CYP19A1: variants seen among roughly 807,000 people sequenced by gnomAD.
The protein encoded by CYP19A1 is cytochrome P450 family 19 subfamily A member 1.
In CYP19A1, 32 loss-of-function variants were observed where a neutral mutation model predicts 44.4. That is an observed-to-expected ratio of 0.72 (90% confidence interval 0.54 to 0.97). CYP19A1 has a LOEUF of 0.97. Ranked by LOEUF, CYP19A1 falls within the 50% of genes least tolerant of loss-of-function variation. CYP19A1 has a pLI of 0.00. For missense variants in CYP19A1, 598 were observed against 637.8 expected (o/e 0.94, Z 0.67); for synonymous variants, 212 against 215.6 (o/e 0.98, Z 0.14).
chr15:51,285,362 GCAAT>G (rs2035661451), intron 1 of CYP19A1, among the ~76,000 whole-genome samples: 1 of 152,212 alleles, frequency 6.6e-6, no homozygotes, highest in African/African-American at 2.4e-5. Context: ...TCACCAACTG[GCAAT>G]CAAAGGCTGC....
chr15:51,282,996 G>A (rs1165344085), intron 1 of CYP19A1, among the ~76,000 whole-genome samples: 2 of 152,186 alleles, frequency 1.3e-5, no homozygotes, highest in Admixed American at 6.5e-5. Flanking sequence ...CTATGGAGTT[G>A]GATGAATGGG....
chr15:51,285,917 C>G (rs981835287), intron 1 of CYP19A1, among the ~76,000 whole-genome samples: 15 of 152,164 alleles, frequency 9.9e-5, no homozygotes, highest in African/African-American at 3.6e-4. Flanking sequence ...GATCTGATCA[C>G]CCCAACATTC....
chr15:51,260,210 T>C (rs1048637324), intron 1 of CYP19A1, among the ~76,000 whole-genome samples: 1 of 152,244 alleles, frequency 6.6e-6, no homozygotes, highest in Non-Finnish European at 1.5e-5. Context: ...GATTCAGATG[T>C]ATTTTGAGTG....
chr15:51,249,032 C>T (rs966279884), intron 1 of CYP19A1, among the ~76,000 whole-genome samples: 1 of 151,930 alleles, frequency 6.6e-6, no homozygotes, highest in African/African-American at 2.4e-5. Flanking sequence ...CTCCGCCTCC[C>T]AGGTTCAAAC....
At chr15:51,240,281 G>A (rs553975179) in intron 2 of CYP19A1, among the ~76,000 whole-genome samples, 32 of 152,106 alleles carry the variant, frequency 2.1e-4, no homozygotes, top group African/African-American at 6.8e-4. Context: ...CAGTAAATAC[G>A]GCTAGAAGAA....
rs1331621054 is a variant in CYP19A1 at position 51,208,145 on chromosome 15, G to T, written c.*2663C>A. The T allele has an allele frequency of 6.6e-6, 1 of 152,160 alleles. No homozygotes were observed. The highest frequency in any genetic ancestry group is 1.5e-5 in the Non-Finnish European group (1 of 68,028). 9.4% of individuals were successfully genotyped at this position (152,160 alleles called of 1,614,324 possible). ...GCCCAGCTGATATAGATTGAAAAGG[G>T]TCCCTCTATCCTTCAGTGGGCCAAT... On this transcript the variant is annotated 3_prime_UTR_variant, in exon 10 of 10. Transcript: ENST00000396402.
chr15:51,333,322 C>T (rs962725835), intron 1 of CYP19A1, among the ~76,000 whole-genome samples: 4 of 152,034 alleles, frequency 2.6e-5, no homozygotes, highest in Non-Finnish European at 4.4e-5. Flanking sequence ...GGCGGGGAGA[C>T]TCTCATTTTC....
chr15:51,291,169 T>C (rs2035836442), intron 1 of CYP19A1, among the ~76,000 whole-genome samples: 1 of 152,172 alleles, frequency 6.6e-6, no homozygotes, highest in African/African-American at 2.4e-5. Context: ...GTGGGGGCAC[T>C]GGCAGTTTTT....
chr15:51,294,970 T>C (rs937211415), intron 1 of CYP19A1, among the ~76,000 whole-genome samples: 1 of 150,428 alleles, frequency 6.6e-6, no homozygotes, highest in Admixed American at 6.6e-5. Context: ...CATTTTGTTC[T>C]GTACTAAGAA....
At chr15:51,320,863 A>C (rs2036515217) in intron 1 of CYP19A1, 1 of 152,258 alleles carries the variant, frequency 6.6e-6, no homozygotes, top group African/African-American at 2.4e-5. Context: ...TTATTTCATC[A>C]TGTAATCAAT....
At chr15:51,260,807 A>G (rs780320271) in intron 1 of CYP19A1, among the ~76,000 whole-genome samples, 1 of 152,236 alleles carries the variant, frequency 6.6e-6, no homozygotes, top group Non-Finnish European at 1.5e-5. Context: ...GGGAGGGACA[A>G]TGATCAGGCT....
intron 1 of CYP19A1, among the ~76,000 whole-genome samples, chr15:51,331,711 A>G (rs765710728): frequency 9.8e-5 from 15 of 152,294 alleles, no homozygotes; most frequent in Admixed American, 3.9e-4. Flanking sequence ...TTGATTTTTA[A>G]CACATACTGG....
intron 1 of CYP19A1, among the ~76,000 whole-genome samples, chr15:51,324,126 G>T (rs1167406612): frequency 2.0e-5 from 3 of 152,094 alleles, no homozygotes; most frequent in Non-Finnish European, 2.9e-5. Context: ...TGACAGGCTT[G>T]GTCCAATTTT....
At chr15:51,284,759 G>C (rs146149690) in intron 1 of CYP19A1, among the ~76,000 whole-genome samples, 2 of 152,308 alleles carry the variant, frequency 1.3e-5, no homozygotes, top group African/African-American at 4.8e-5. Flanking sequence ...CAAGATACAT[G>C]GTGGAGGAAT....
At chr15:51,296,923 T>C (rs1203302866) in intron 1 of CYP19A1, among the ~76,000 whole-genome samples, 1 of 152,240 alleles carries the variant, frequency 6.6e-6, no homozygotes, top group East Asian at 1.9e-4. Context: ...TAGAAGTTTC[T>C]GGTTTGCTTT....
At chr15:51,215,278 T>G in intron 7 of CYP19A1, 46 bp from the exon 8 acceptor site, 1 of 1,612,782 alleles carries the variant, frequency 6.2e-7, no homozygotes, top group Non-Finnish European at 8.5e-7. Flanking sequence ...TGAATCAAAG[T>G]TTCAAAAAAT....
intron 1 of CYP19A1, among the ~76,000 whole-genome samples, chr15:51,297,681 T>C (rs1371589524): frequency 6.6e-6 from 1 of 152,070 alleles, no homozygotes; most frequent in African/African-American, 2.4e-5. Context: ...CCTACTGCAG[T>C]AGGGGTATCT....
chr15:51,212,566 G>A lies in CYP19A1; in HGVS notation c.1022-5C>T. Reference sequence around the variant, plus strand: ...CAATCTTTATGTCTCTCTCACCTGTGGAAACAGATAAAAGGAACAAAGAAG... The same window carrying A: ...CAATCTTTATGTCTCTCTCACCTGTAGAAACAGATAAAAGGAACAAAGAAG... On this transcript the variant is annotated splice_polypyrimidine_tract_variant and splice_region_variant and intron_variant, in intron 8 of 9. Coordinates refer to ENST00000396402, the MANE Select transcript of CYP19A1 (RefSeq NM_000103.4). The A allele has an allele frequency of 6.9e-7, 1 of 1,457,482 alleles. No homozygotes were observed. The highest frequency in any genetic ancestry group is 9.6e-7 in the Non-Finnish European group (1 of 1,037,146). 90.3% of individuals were successfully genotyped at this position (1,457,482 alleles called of 1,614,324 possible). A position where few individuals can be genotyped will look rare whatever the true frequency, so the allele number is the denominator to read the frequency against.
chr15:51,302,572 G>C (rs550150570), intron 1 of CYP19A1, among the ~76,000 whole-genome samples: 1 of 152,300 alleles, frequency 6.6e-6, no homozygotes, highest in South Asian at 2.1e-4. Flanking sequence ...AGAGAAGGTG[G>C]CCAGGGTTTC....
Sources: gnomAD v4.1 joint callset for allele counts (sites outside exome capture counted in the v4.1 genomes callset) on GRCh38, gnomAD v4.1.1 for gene constraint, MANE v1.5 for transcripts, NCBI Gene and HGNC (gene_info 2026-07-23, HGNC 2026-07-21) for gene names.